Variants in DPF3 observed in about 807,000 individuals in gnomAD.
DPF3 encodes the protein double PHD fingers 3, also known as zinc finger protein DPF3.
In DPF3, 18 loss-of-function variants were observed where a neutral mutation model predicts 56.8. The ratio of observed to expected loss-of-function variants is 0.32; its 90% confidence interval spans 0.22 to 0.47. The LOEUF (loss-of-function observed/expected upper bound fraction) is 0.47. Among genes scored for constraint, DPF3 ranks in the 20% least tolerant of loss-of-function variants. The pLI, the probability that DPF3 is intolerant of heterozygous loss-of-function variation, is 1.00. For missense variants in DPF3, 403 were observed against 488.8 expected, an observed-to-expected ratio of 0.82 and a Z score of 1.65; for synonymous variants, 188 against 180.2, an observed-to-expected ratio of 1.04 and a Z score of -0.35.
intron 8 of DPF3, chr14:72,662,192 C>G (rs890043192): frequency 1.0e-6 from 1 of 985,216 alleles, no homozygotes. Flanking sequence ...ACATCCAACT[C>G]GCAGAAATAA....
rs942878917 is a variant in DPF3 at position 72,821,288 on chromosome 14, C to T, written c.33-49395G>A. On this transcript the variant is annotated intron_variant, in intron 1 of 10. Transcript: ENST00000556509. Reference sequence around the variant, plus strand: ...AACAGAGTAGGACTGTGTCTCAAAACAAGAAAAAACAAGTCTGGCCATGGC... The same window carrying T: ...AACAGAGTAGGACTGTGTCTCAAAATAAGAAAAAACAAGTCTGGCCATGGC... Among the ~76,000 whole-genome samples, 6 of 151,968 alleles carry T rather than the reference C, an allele frequency of 3.9e-5. No homozygotes were observed. In the East Asian group the frequency reaches 1.2e-3, roughly 30 times the overall value.
rs114823388 is a variant in DPF3, at chr14:72,725,416, G to A, written c.430-1688C>T. 2.0e-3 allele frequency among the ~76,000 whole-genome samples: 309 copies of A among 152,192 alleles called. 3 individuals are homozygous for A. Among genetic ancestry groups the A allele is most frequent in the African/African-American group, 7.2e-3 (301 of 41,538 alleles). ...TGGAGGATGAGCAAAGACTGGCCTT[G>A]TGAATGAGGACAGAGGGGAGGGAGG... On this transcript the variant is annotated intron_variant, in intron 4 of 10. Transcript: ENST00000556509.
At position 72,857,929 on chromosome 14, in the gene DPF3, C is replaced by T. The variant is rs1362321029; in HGVS notation, c.32+36128G>A. Among the ~76,000 whole-genome samples the T allele has an allele frequency of 2.0e-5, 3 of 152,048 alleles. No individual in the cohort carries two copies. In the East Asian group the frequency reaches 5.8e-4, roughly 29 times the overall value. On this transcript the variant is annotated intron_variant, in intron 1 of 10. Coordinates refer to ENST00000556509, the MANE Select transcript of DPF3 (RefSeq NM_001280542.3). ...GCATGATTTCATTTACTCCTTGCAA[C>T]ATCTCTTTGAGGTAGGGAAACTGTG...
chr14:72,702,975 C>A (rs2153574324), intron 6 of DPF3, among the ~76,000 whole-genome samples: 1 of 152,302 alleles, frequency 6.6e-6, no homozygotes, highest in Middle Eastern at 3.4e-3. Context: ...CGCTATGCAC[C>A]CTTGGACAAA....
chr14:72,810,807 G>A (rs1883012225), intron 1 of DPF3, among the ~76,000 whole-genome samples: 1 of 152,190 alleles, frequency 6.6e-6, no homozygotes, highest in Admixed American at 6.5e-5. Context: ...GTCATTGCTG[G>A]AAACAGAATC....
intron 3 of DPF3, among the ~76,000 whole-genome samples, chr14:72,732,354 A>C (rs1250231337): frequency 1.3e-5 from 2 of 152,182 alleles, no homozygotes; most frequent in Non-Finnish European, 2.9e-5. Context: ...AGTGTTTCAA[A>C]AACTCAAGCA....
intron 8 of DPF3, among the ~76,000 whole-genome samples, chr14:72,645,339 G>A (rs897358530): frequency 1.3e-5 from 2 of 151,042 alleles, no homozygotes; most frequent in African/African-American, 4.9e-5. Flanking sequence ...CTGTCACCCA[G>A]GCTAGACTAG....
intron 1 of DPF3, among the ~76,000 whole-genome samples, chr14:72,878,566 C>T (rs1229489689): frequency 6.6e-6 from 1 of 152,180 alleles, no homozygotes; most frequent in Non-Finnish European, 1.5e-5. Flanking sequence ...CTGGTCTTCT[C>T]TATCTTAAAA....
At chr14:72,639,161 A>G (rs1419960313) in intron 8 of DPF3, among the ~76,000 whole-genome samples, 1 of 152,180 alleles carries the variant, frequency 6.6e-6, no homozygotes. Context: ...GGACTTTGCA[A>G]TCTACCCAAT....
At chr14:72,713,658 C>G (rs997351315) in intron 6 of DPF3, among the ~76,000 whole-genome samples, 6 of 152,160 alleles carry the variant, frequency 3.9e-5, no homozygotes, top group Admixed American at 3.9e-4. Flanking sequence ...GCAAATGGTA[C>G]CCGGTACAGT....
chr14:72,757,555 G>A (rs1437206730), intron 2 of DPF3, among the ~76,000 whole-genome samples: 1 of 152,050 alleles, frequency 6.6e-6, no homozygotes, highest in Admixed American at 6.6e-5. Flanking sequence ...GAAAGAGTTA[G>A]TGACTACCCC....
chr14:72,670,322 G>T (rs1465902754), intron 8 of DPF3: 19 of 986,126 alleles, frequency 1.9e-5, no homozygotes, highest in Non-Finnish European at 1.2e-6. Flanking sequence ...GGAGGAAAGT[G>T]AGGAAAAACC....
intron 1 of DPF3, among the ~76,000 whole-genome samples, chr14:72,814,607 G>A (rs1883203478): frequency 6.6e-6 from 1 of 152,248 alleles, no homozygotes; most frequent in East Asian, 1.9e-4. Context: ...TTGAGACCAG[G>A]AGTTTGAGAC....
chr14:72,640,046 TAAAAAAAAAAAAAAAA>T (rs370070354), intron 8 of DPF3, among the ~76,000 whole-genome samples: 86 of 45,266 alleles, frequency 1.9e-3, no homozygotes, highest in East Asian at 3.5e-3. Context: ...GTTTTCTAAG[TAAAAAAAAAAAAAAAA>T]AAAAAAAAAA....
chr14:72,720,188 A>G (rs1465472885), intron 5 of DPF3, among the ~76,000 whole-genome samples: 1 of 152,124 alleles, frequency 6.6e-6, no homozygotes, highest in Non-Finnish European at 1.5e-5. Flanking sequence ...GCTGGAATAT[A>G]CCACTTTAAA....
At chr14:72,693,524 T>C (rs547039456) in intron 6 of DPF3, among the ~76,000 whole-genome samples, 5 of 152,306 alleles carry the variant, frequency 3.3e-5, no homozygotes, top group African/African-American at 1.2e-4. Flanking sequence ...TCTTCCGAGA[T>C]AAAATGGGAA....
At chr14:72,822,337 T>C (rs1883588042) in intron 1 of DPF3, among the ~76,000 whole-genome samples, 1 of 151,976 alleles carries the variant, frequency 6.6e-6, no homozygotes, top group South Asian at 2.1e-4. Flanking sequence ...TGAGCCAAGA[T>C]TGCTCCACTG....
rs1555491964 is a variant in DPF3, at chr14:72,649,660, T to TGGGC, written c.872-19925_872-19924insGCCC. 1.1e-4 allele frequency among the ~76,000 whole-genome samples: 7 copies of TGGGC among 61,152 alleles called. No individual in the cohort carries two copies. In the East Asian group the frequency reaches 5.2e-3, roughly 46 times the overall value. The allele number at this position is 61,152 out of a possible 152,430, so 40.1% of individuals were successfully genotyped here. On this transcript the variant is annotated intron_variant, in intron 8 of 10. Transcript: ENST00000556509. ...CTCAATTGTCTCACTCATCCCTGGG[T>TGGGC]GGGGGGGGGGATTAATGTATTAGTA...
chr14:72,847,107 G>A (rs1344346650), intron 1 of DPF3, among the ~76,000 whole-genome samples: 5 of 152,152 alleles, frequency 3.3e-5, no homozygotes, highest in East Asian at 1.9e-4. Context: ...CTGAAGAGGC[G>A]GTGAATCCAG....
Sources: allele counts gnomAD v4.1 joint callset (sites outside exome capture counted in the v4.1 genomes callset), GRCh38; gene constraint gnomAD v4.1.1; transcripts MANE v1.5; gene names NCBI Gene and HGNC (gene_info 2026-07-23, HGNC 2026-07-21).